Variants in TLK2 observed in about 807,000 individuals in gnomAD.
TLK2 encodes serine/threonine-protein kinase tousled-like 2.
TLK2 carries 6 observed loss-of-function variants against 117.3 expected under a neutral mutation model. That is an observed-to-expected ratio of 0.05 (90% CI 0.03 to 0.10). The LOEUF is 0.10. Among genes scored for constraint, TLK2 ranks in the 10% least tolerant of loss-of-function variants. The pLI is 1.00. For synonymous variants in TLK2, 257 were observed against 316.7 expected (o/e 0.81, Z 2.00); for missense variants, 299 against 901.2 (o/e 0.33, Z 8.56).
intron 2 of TLK2, among the ~76,000 whole-genome samples, chr17:62,490,151 G>A (rs1338169312): frequency 1.3e-5 from 2 of 152,308 alleles, no homozygotes; most frequent in African/African-American, 4.8e-5. Context: ...ATTCTCAGCC[G>A]TTATCTTGTC....
At chr17:62,533,752 C>T (rs2076921823) in intron 6 of TLK2, among the ~76,000 whole-genome samples, 1 of 152,138 alleles carries the variant, frequency 6.6e-6, no homozygotes, top group South Asian at 2.1e-4. Context: ...GCTGGGATTA[C>T]AGGCATGAGC....
At chr17:62,590,718 A>G (rs756063327) in intron 16 of TLK2, among the ~76,000 whole-genome samples, 20 of 152,134 alleles carry the variant, frequency 1.3e-4, no homozygotes, top group Non-Finnish European at 2.2e-4. Flanking sequence ...GGCTCAAGCA[A>G]TCTTCCCACT....
chr17:62,527,828 C>T (rs1288400574), intron 6 of TLK2, among the ~76,000 whole-genome samples: 1 of 151,976 alleles, frequency 6.6e-6, no homozygotes, highest in African/African-American at 2.4e-5. Context: ...CCGCAACCTC[C>T]GCCTTCCAGT....
chr17:62,575,673 C>A (rs1480897047), intron 12 of TLK2, among the ~76,000 whole-genome samples: 2 of 151,726 alleles, frequency 1.3e-5, no homozygotes, highest in Admixed American at 6.6e-5. Context: ...TTCTTTCTGT[C>A]TTTCTCTCTC....
At chr17:62,490,544 TTTTC>T (rs1266233929) in intron 2 of TLK2, among the ~76,000 whole-genome samples, 1 of 152,146 alleles carries the variant, frequency 6.6e-6, no homozygotes, top group Non-Finnish European at 1.5e-5. Context: ...AGATTTTTCT[TTTTC>T]TTTTTCTTTT....
At chr17:62,494,239 C>T (rs532110601) in intron 2 of TLK2, among the ~76,000 whole-genome samples, 4 of 152,154 alleles carry the variant, frequency 2.6e-5, no homozygotes, top group South Asian at 2.1e-4. Context: ...TGTGCCGTCA[C>T]GCCTGGCTAA....
intron 15 of TLK2, chr17:62,585,471 G>T (rs1157264975): frequency 6.6e-6 from 1 of 152,342 alleles, no homozygotes; most frequent in Non-Finnish European, 1.5e-5. Context: ...CCGAGAGACA[G>T]AGGTTGCAGT....
intron 1 of TLK2, among the ~76,000 whole-genome samples, 176 bp from the exon 2 acceptor site, chr17:62,480,945 A>G (rs1277125175): frequency 6.6e-6 from 1 of 152,206 alleles, no homozygotes; most frequent in Non-Finnish European, 1.5e-5. Context: ...AAAACTTTTC[A>G]ATATATTACT....
intron 16 of TLK2, among the ~76,000 whole-genome samples, chr17:62,587,438 T>A (rs1250245028): frequency 2.0e-5 from 3 of 152,170 alleles, no homozygotes; most frequent in African/African-American, 7.2e-5. Flanking sequence ...TTTGTTTGTT[T>A]TATAAATAAT....
intron 2 of TLK2, among the ~76,000 whole-genome samples, chr17:62,492,833 C>G (rs1253283372): frequency 6.6e-6 from 1 of 151,950 alleles, no homozygotes; most frequent in Non-Finnish European, 1.5e-5. Context: ...CACAATGGTT[C>G]AAGCCCATAA....
At position 62,565,543 on chromosome 17, in the gene TLK2, C is replaced by T. The variant is rs765102655; in HGVS notation, c.968+406C>T. Among the ~76,000 whole-genome samples the T allele has an allele frequency of 1.5e-3, 229 of 149,756 alleles. 1 individual carries two copies. Among genetic ancestry groups the T allele is most frequent in the Non-Finnish European group, 2.7e-3 (181 of 67,694 alleles). On this transcript the variant is annotated intron_variant, in intron 11 of 21. Coordinates refer to ENST00000346027, the MANE Select transcript of TLK2 (RefSeq NM_006852.6). ...TGGCAGGCGCCTGTAATCCCAGCTA[C>T]TTGGGAGGCTGAGGCAGAGAACTGA...
intron 7 of TLK2, among the ~76,000 whole-genome samples, chr17:62,538,855 AG>A (rs2077302888): frequency 6.6e-6 from 1 of 152,232 alleles, no homozygotes; most frequent in African/African-American, 2.4e-5. Flanking sequence ...AAATAGTAAA[AG>A]GGTTAGTATT....
At chr17:62,476,939 A>ATT (rs1335442186), upstream of TLK2, among the ~76,000 whole-genome samples, 6 of 151,874 alleles carry the variant, frequency 4.0e-5, no homozygotes, top group East Asian at 1.2e-3. Context: ...AAAAAAAAAA[A>ATT]ATTAGCCGGG....
intron 12 of TLK2, 125 bp downstream of exon 12, chr17:62,573,492 C>T: frequency 7.8e-6 from 10 of 1,283,620 alleles, no homozygotes; most frequent in Non-Finnish European, 1.1e-5. Flanking sequence ...TTTTCAGTTA[C>T]ATTAATGGAT....
chr17:62,512,409 G>A (rs919026706), intron 2 of TLK2, among the ~76,000 whole-genome samples: 3 of 151,632 alleles, frequency 2.0e-5, no homozygotes, highest in African/African-American at 7.3e-5. Context: ...TTTCAGTAGA[G>A]ACGGGGTTTC....
At chr17:62,504,278 T>C (rs2074474819) in intron 2 of TLK2, among the ~76,000 whole-genome samples, 1 of 152,178 alleles carries the variant, frequency 6.6e-6, no homozygotes, top group African/African-American at 2.4e-5. Flanking sequence ...TATAGTACTG[T>C]TTTATTTAAT....
chr17:62,594,942 A>G (rs1165514099), intron 16 of TLK2, among the ~76,000 whole-genome samples: 4 of 152,174 alleles, frequency 2.6e-5, no homozygotes, highest in Admixed American at 1.3e-4. Flanking sequence ...CAGACTCCAC[A>G]TGGACAGTGG....
At chr17:62,475,971 CTTTTA>C (rs1429711712), upstream of TLK2, among the ~76,000 whole-genome samples, 6 of 148,746 alleles carry the variant, frequency 4.0e-5, no homozygotes, top group South Asian at 2.2e-4. Context: ...TAAATAATTA[CTTTTA>C]TTTTATTATC....
intron 6 of TLK2, among the ~76,000 whole-genome samples, chr17:62,533,711 A>G (rs950496202): frequency 6.6e-6 from 1 of 152,020 alleles, no homozygotes; most frequent in Non-Finnish European, 1.5e-5. Context: ...TCCTGACCTC[A>G]AGTGATTTGC....
Sources: gnomAD v4.1 joint callset for allele counts (sites outside exome capture counted in the v4.1 genomes callset) on GRCh38, gnomAD v4.1.1 for gene constraint, MANE v1.5 for transcripts, NCBI Gene and HGNC (gene_info 2026-07-23, HGNC 2026-07-21) for gene names.